ATRNL1: variants seen among roughly 807,000 people sequenced by gnomAD.
ATRNL1 encodes the protein attractin-like protein 1.
ATRNL1 carries 95 observed loss-of-function variants against 182.7 expected under a neutral mutation model. That is an observed-to-expected ratio of 0.52 (90% CI 0.44 to 0.62). ATRNL1 has a LOEUF of 0.62. Among genes scored for constraint, ATRNL1 ranks in the 20% least tolerant of loss-of-function variants. The pLI is 0.00. For missense variants in ATRNL1, 1,471 were observed against 1,679.5 expected (o/e 0.88, Z 2.17); for synonymous variants, 576 against 568.3 (o/e 1.01, Z -0.19).
chr10:115,400,481 A>C (rs190448704), intron 20 of ATRNL1, among the ~76,000 whole-genome samples: 2 of 152,182 alleles, frequency 1.3e-5, no homozygotes, highest in Admixed American at 1.3e-4. Context: ...TGCTGAATTC[A>C]GGTCCTGAAT....
chr10:115,410,541 G>A (rs1381734036), intron 20 of ATRNL1, among the ~76,000 whole-genome samples: 13 of 151,622 alleles, frequency 8.6e-5, no homozygotes, highest in African/African-American at 2.7e-4. Flanking sequence ...GGATGGTCTC[G>A]ATCTCTTGAC....
intron 21 of ATRNL1, among the ~76,000 whole-genome samples, chr10:115,447,722 T>C: frequency 6.6e-6 from 1 of 152,038 alleles, no homozygotes; most frequent in African/African-American, 2.4e-5. Context: ...AAATAATATA[T>C]AATTCTGGAA....
chr10:115,144,341 G>T (rs1470143587), intron 5 of ATRNL1, among the ~76,000 whole-genome samples: 3 of 152,008 alleles, frequency 2.0e-5, no homozygotes, highest in Non-Finnish European at 4.4e-5. Flanking sequence ...GTAGAGACGG[G>T]GTTTCATGGG....
intron 21 of ATRNL1, among the ~76,000 whole-genome samples, chr10:115,456,163 C>G (rs1309912851): frequency 6.6e-6 from 1 of 152,130 alleles, no homozygotes; most frequent in Non-Finnish European, 1.5e-5. Context: ...ATAAATCATA[C>G]TACTATAAAG....
At chr10:115,263,656 A>C (rs1851483875) in intron 10 of ATRNL1, among the ~76,000 whole-genome samples, 1 of 151,792 alleles carries the variant, frequency 6.6e-6, no homozygotes, top group Non-Finnish European at 1.5e-5. Flanking sequence ...TTATAAAAGT[A>C]TACAGTTTAT....
chr10:115,159,004 G>A (rs1281131642), intron 5 of ATRNL1, among the ~76,000 whole-genome samples: 2 of 151,700 alleles, frequency 1.3e-5, no homozygotes, highest in Admixed American at 1.3e-4. Flanking sequence ...GAAGAAAAAT[G>A]GTGGGAGAAT....
intron 26 of ATRNL1, among the ~76,000 whole-genome samples, chr10:115,615,657 G>C (rs1857390335): frequency 6.6e-6 from 1 of 152,094 alleles, no homozygotes; most frequent in African/African-American, 2.4e-5. Flanking sequence ...CCATACTCGT[G>C]ATAGTGAGTA....
intron 8 of ATRNL1, among the ~76,000 whole-genome samples, chr10:115,176,429 A>G (rs1475809167): frequency 6.6e-6 from 1 of 152,146 alleles, no homozygotes; most frequent in East Asian, 1.9e-4. Flanking sequence ...AATAAACTTT[A>G]TGGAAGAAAG....
intron 17 of ATRNL1, among the ~76,000 whole-genome samples, chr10:115,312,992 T>G (rs898645937): frequency 6.6e-6 from 1 of 152,038 alleles, no homozygotes; most frequent in Non-Finnish European, 1.5e-5. Flanking sequence ...GTTTCTTTTT[T>G]TAAAATGTAT....
chr10:115,688,303 A>G (rs1555046989), intron 26 of ATRNL1, among the ~76,000 whole-genome samples: 1 of 152,122 alleles, frequency 6.6e-6, no homozygotes, highest in Non-Finnish European at 1.5e-5. Context: ...TCCCCTTGAT[A>G]CACTGATTTC....
At chr10:115,703,960 T>G (rs1449517881) in intron 26 of ATRNL1, among the ~76,000 whole-genome samples, 1 of 151,890 alleles carries the variant, frequency 6.6e-6, no homozygotes, top group Non-Finnish European at 1.5e-5. Flanking sequence ...ATTTAATTAA[T>G]GATGGTGGGA....
chr10:115,938,010 T>C (rs1953613934), intron 28 of ATRNL1, among the ~76,000 whole-genome samples: 1 of 152,196 alleles, frequency 6.6e-6, no homozygotes. Flanking sequence ...AAATATATAA[T>C]GGTGCCTGCT....
intron 28 of ATRNL1, among the ~76,000 whole-genome samples, chr10:115,904,778 C>A (rs1555114183): frequency 1.3e-5 from 2 of 152,130 alleles, no homozygotes; most frequent in Non-Finnish European, 2.9e-5. Flanking sequence ...AATTTAAGTC[C>A]AAATATTCAA....
At chr10:115,791,304 T>C (rs1205102570) in intron 27 of ATRNL1, among the ~76,000 whole-genome samples, 2 of 152,130 alleles carry the variant, frequency 1.3e-5, no homozygotes, top group African/African-American at 4.8e-5. Flanking sequence ...CATCATAATC[T>C]TACCTATGCT....
At chr10:115,347,266 T>A (rs558608033) in intron 19 of ATRNL1, among the ~76,000 whole-genome samples, 8 of 152,316 alleles carry the variant, frequency 5.3e-5, no homozygotes, top group African/African-American at 1.9e-4. Flanking sequence ...ATGAAATTTT[T>A]AAATAATTCT....
chr10:115,601,304 T>C (rs1352816386), intron 26 of ATRNL1, among the ~76,000 whole-genome samples: 1 of 152,172 alleles, frequency 6.6e-6, no homozygotes, highest in African/African-American at 2.4e-5. Flanking sequence ...TGGCTCAGAA[T>C]ATGATCTACA....
intron 5 of ATRNL1, among the ~76,000 whole-genome samples, chr10:115,146,498 ACTT>A (rs1333232959): frequency 3.9e-5 from 6 of 152,116 alleles, no homozygotes; most frequent in Non-Finnish European, 8.8e-5. Flanking sequence ...TTTTCTAACT[ACTT>A]AGAAATATAC....
rs1852837044 is a variant in ATRNL1 at position 115,549,350 on chromosome 10, C to T, written c.3717-108C>T. On this transcript the variant is annotated intron_variant, in intron 25 of 28. Coordinates refer to ENST00000355044, the MANE Select transcript of ATRNL1 (RefSeq NM_207303.4). ...TCATATTTTTGATTGTTTACCTAGACAAAGTTATTACTTATATATATATGT... is the reference window on the plus strand; with the variant it reads ...TCATATTTTTGATTGTTTACCTAGATAAAGTTATTACTTATATATATATGT... 4 of 615,808 alleles carry T rather than the reference C, an allele frequency of 6.5e-6. No individual in the cohort carries two copies. The South Asian group carries it at 2.3e-4, about 36-fold the overall frequency. The allele number at this position is 615,808 out of a possible 1,614,324, so 38.1% of individuals were successfully genotyped here. A position where few individuals can be genotyped will look rare whatever the true frequency, so the allele number is the denominator to read the frequency against.
chr10:115,242,362 A>G (rs1554903153), intron 10 of ATRNL1, among the ~76,000 whole-genome samples: 1 of 151,978 alleles, frequency 6.6e-6, no homozygotes, highest in Non-Finnish European at 1.5e-5. Flanking sequence ...ATTTCTGAAT[A>G]TTTAAGTGAA....
Sources: allele counts gnomAD v4.1 joint callset (sites outside exome capture counted in the v4.1 genomes callset), GRCh38; gene constraint gnomAD v4.1.1; transcripts MANE v1.5; gene names NCBI Gene and HGNC (gene_info 2026-07-23, HGNC 2026-07-21).